RIGI: variants seen among roughly 807,000 people sequenced by gnomAD.
RIGI encodes the protein RNA sensor RIG-I, also known as antiviral innate immune response receptor RIG-I.
At chr9:32,458,936 C>T in the RIGI span, among the ~76,000 whole-genome samples, 1 of 146,018 alleles carries the variant, frequency 6.8e-6, no homozygotes, top group Non-Finnish European at 1.5e-5. Flanking sequence ...GTCACCCAGG[C>T]TGGAGCGCAG....
chr9:32,502,324 C>G, the RIGI span, among the ~76,000 whole-genome samples: 1 of 152,186 alleles, frequency 6.6e-6, no homozygotes, highest in African/African-American at 2.4e-5. Context: ...CATTCATGAG[C>G]AATTTTATGT....
the RIGI span, among the ~76,000 whole-genome samples, chr9:32,520,950 A>G: frequency 5.3e-5 from 8 of 152,032 alleles, no homozygotes; most frequent in African/African-American, 1.7e-4. Flanking sequence ...GTTGGAGACC[A>G]GCCTGGCCAA....
the RIGI span, chr9:32,481,206 A>T: frequency 1.2e-6 from 1 of 860,194 alleles, no homozygotes; most frequent in Non-Finnish European, 1.7e-6. Flanking sequence ...AGTTTGCTTC[A>T]TAAGAACTTT....
chr9:32,487,586 T>C, the RIGI span: 1 of 1,614,184 alleles, frequency 6.2e-7, no homozygotes, highest in Non-Finnish European at 8.5e-7. Context: ...AGGCTTCATC[T>C]GTGTTTTTGG....
chr9:32,521,161 A>AAAAAAAAAAAAAAAAC, the RIGI span, among the ~76,000 whole-genome samples: 2 of 150,634 alleles, frequency 1.3e-5, no homozygotes, highest in African/African-American at 4.9e-5. Context: ...AAAAAAAAAA[A>AAAAAAAAAAAAAAAAC]ACTTCACAGA....
the RIGI span, among the ~76,000 whole-genome samples, chr9:32,517,714 T>C: frequency 6.6e-6 from 1 of 152,220 alleles, no homozygotes; most frequent in Non-Finnish European, 1.5e-5. Context: ...ATGCTGTTAG[T>C]TTAATGAAAA....
the RIGI span, chr9:32,456,971 T>C: frequency 3.2e-6 from 2 of 625,520 alleles, no homozygotes; most frequent in Admixed American, 5.9e-5. Flanking sequence ...ATTTGTGCTT[T>C]GCATATATAA....
At chr9:32,511,118 T>G in the RIGI span, among the ~76,000 whole-genome samples, 14 of 152,168 alleles carry the variant, frequency 9.2e-5, no homozygotes, top group African/African-American at 1.9e-4. Flanking sequence ...CAAAGAGACT[T>G]AGACTCCCAC....
the RIGI span, among the ~76,000 whole-genome samples, chr9:32,494,507 A>ATGTT: frequency 2.0e-5 from 3 of 152,192 alleles, no homozygotes; most frequent in Non-Finnish European, 4.4e-5. Flanking sequence ...CATACATAAG[A>ATGTT]TGTTCAACCT....
At chr9:32,472,921 A>G in the RIGI span, 1 of 1,240,942 alleles carries the variant, frequency 8.1e-7, no homozygotes, top group Admixed American at 2.1e-5. Flanking sequence ...ATACACACAC[A>G]CACATATTCT....
At chr9:32,502,579 G>A in the RIGI span, among the ~76,000 whole-genome samples, 1 of 152,300 alleles carries the variant, frequency 6.6e-6, no homozygotes, top group Non-Finnish European at 1.5e-5. Flanking sequence ...TAACGAATTA[G>A]GACAAACCAG....
the RIGI span, chr9:32,488,888 C>G: frequency 6.3e-7 from 1 of 1,594,418 alleles, no homozygotes; most frequent in Non-Finnish European, 8.5e-7. Flanking sequence ...TTTCCACAAC[C>G]TTTTAACATG....
At chr9:32,487,207 A>G in the RIGI span, among the ~76,000 whole-genome samples, 1 of 152,176 alleles carries the variant, frequency 6.6e-6, no homozygotes, top group Non-Finnish European at 1.5e-5. Context: ...CCTCTTTTGC[A>G]TTGCTAGTAC....
chr9:32,484,301 T>C, the RIGI span, among the ~76,000 whole-genome samples: 10 of 152,152 alleles, frequency 6.6e-5, no homozygotes, highest in African/African-American at 2.4e-4. Context: ...GCTAGAAGGC[T>C]GTTAGAACAA....
chr9:32,491,161 G>C, the RIGI span: 3 of 903,574 alleles, frequency 3.3e-6, no homozygotes, highest in Non-Finnish European at 5.0e-6. Flanking sequence ...AGTATCTATT[G>C]TAACATAAAT....
the RIGI span, chr9:32,455,937 G>A: frequency 1.3e-5 from 2 of 152,176 alleles, no homozygotes; most frequent in Non-Finnish European, 1.5e-5. Context: ...TCACCAGATT[G>A]CATGAAGAGG....
At chr9:32,481,612 G>A in the RIGI span, 1 of 756,168 alleles carries the variant, frequency 1.3e-6, no homozygotes, top group Non-Finnish European at 2.0e-6. Flanking sequence ...TCGAGGCAGA[G>A]TCTCGCTCTG....
the RIGI span, among the ~76,000 whole-genome samples, chr9:32,520,354 TAGAG>T: frequency 1.3e-5 from 2 of 152,134 alleles, no homozygotes; most frequent in Non-Finnish European, 2.9e-5. Context: ...TGTGACATAT[TAGAG>T]AGAATGATGA....
the RIGI span, among the ~76,000 whole-genome samples, chr9:32,500,045 CTAAT>C: frequency 9.2e-5 from 14 of 152,138 alleles, no homozygotes; most frequent in African/African-American, 2.4e-4. Context: ...AGATATGGTC[CTAAT>C]TAGAGGGTCT....
Sources: allele counts gnomAD v4.1 joint callset (sites outside exome capture counted in the v4.1 genomes callset), GRCh38; gene constraint gnomAD v4.1.1; transcripts MANE v1.5; gene names NCBI Gene and HGNC (gene_info 2026-07-23, HGNC 2026-07-21).